Variants in ZNF254 observed in about 807,000 individuals in gnomAD.
ZNF254 encodes the protein CTD-2017D11.1.
ZNF254 carries 10 observed loss-of-function variants against 12.4 expected under a neutral mutation model. The observed-to-expected ratio is 0.80, with a 90% CI of 0.50 to 1.36. The LOEUF (loss-of-function observed/expected upper bound fraction) is 1.36, where lower values mean the gene tolerates loss of function less well. Ranked by LOEUF, ZNF254 falls within the 40% of genes most tolerant of loss-of-function variation. ZNF254 has a pLI of 0.00. For synonymous variants in ZNF254, 305 were observed against 253.4 expected (o/e 1.20, Z -1.93); for missense variants, 996 against 763.9 (o/e 1.30, Z -3.58).
chr19:24,075,897 C>T (rs991800185), intron 2 of ZNF254, among the ~76,000 whole-genome samples: 1 of 152,162 alleles, frequency 6.6e-6, no homozygotes, highest in African/African-American at 2.4e-5. Context: ...CAGGCCTGTT[C>T]CTTGCTGAGA....
intron 2 of ZNF254, among the ~76,000 whole-genome samples, chr19:24,047,918 G>A (rs919427873): frequency 6.7e-5 from 10 of 149,894 alleles, no homozygotes; most frequent in Non-Finnish European, 1.5e-4. Context: ...AACTCCTGAC[G>A]TCAGGTGATC....
chr19:24,038,965 G>A (rs1403588154), intron 1 of ZNF254, among the ~76,000 whole-genome samples: 1 of 152,136 alleles, frequency 6.6e-6, no homozygotes, highest in Non-Finnish European at 1.5e-5. Context: ...TTATTCTCTT[G>A]TCCAAATGCC....
At chr19:24,073,910 C>T (rs1421014203) in intron 2 of ZNF254, among the ~76,000 whole-genome samples, 1 of 152,216 alleles carries the variant, frequency 6.6e-6, no homozygotes, top group African/African-American at 2.4e-5. Flanking sequence ...GCAACATACA[C>T]CTCTGACCAG....
chr19:24,060,164 T>C (rs1272670891), intron 2 of ZNF254, among the ~76,000 whole-genome samples: 1 of 152,224 alleles, frequency 6.6e-6, no homozygotes, highest in Non-Finnish European at 1.5e-5. Flanking sequence ...ACCCAGGTGA[T>C]GTAACATTCC....
intron 2 of ZNF254, among the ~76,000 whole-genome samples, chr19:24,049,193 TATATA>T (rs1970530024): frequency 2.8e-5 from 2 of 70,524 alleles, no homozygotes; most frequent in African/African-American, 6.8e-5. Context: ...TTTATATATA[TATATA>T]TATATATATA....
intron 3 of ZNF254, among the ~76,000 whole-genome samples, chr19:24,118,063 T>C (rs562601827): frequency 2.0e-5 from 3 of 151,786 alleles, no homozygotes; most frequent in Admixed American, 1.3e-4. Flanking sequence ...TTTTCTTTTT[T>C]TTTTTTTGAA....
intron 2 of ZNF254, among the ~76,000 whole-genome samples, chr19:24,046,779 G>A (rs1970406624): frequency 2.0e-5 from 3 of 151,892 alleles, no homozygotes; most frequent in African/African-American, 7.3e-5. Flanking sequence ...CAGCTGGTGT[G>A]GCCTCCTGGA....
chr19:24,072,268 T>A (rs1356889078), intron 2 of ZNF254, among the ~76,000 whole-genome samples: 1 of 151,428 alleles, frequency 6.6e-6, no homozygotes, highest in African/African-American at 2.4e-5. Flanking sequence ...ACCTCCTGGG[T>A]TCAAGCAATT....
chr19:24,112,494 T>C (rs1350553588), intron 3 of ZNF254, among the ~76,000 whole-genome samples: 1 of 149,790 alleles, frequency 6.7e-6, no homozygotes, highest in East Asian at 2.0e-4. Context: ...AAGAAAATCA[T>C]TGGTAGCTTG....
Position 24,119,417 on chromosome 19 carries a change from C to T in ZNF254, c.254-6837C>T, listed in dbSNP as rs142860109. Among the ~76,000 whole-genome samples, 463 of 152,048 alleles carry T rather than the reference C, an allele frequency of 3.0e-3. 3 individuals carry two copies. The highest frequency in any genetic ancestry group is 0.011 in the African/African-American group (440 of 41,476). On this transcript the variant is annotated intron_variant, in intron 3 of 3. Coordinates refer to ENST00000357002, the MANE Select transcript of ZNF254 (RefSeq NM_203282.4). ...ATATTGGCTAGGCTGATCTCAAAAC[C>T]CTGACCTCAGGTGATCCACCTGCCT...
intron 1 of ZNF254, among the ~76,000 whole-genome samples, chr19:24,043,274 T>TG (rs1188196465): frequency 3.9e-5 from 6 of 152,224 alleles, no homozygotes; most frequent in African/African-American, 1.4e-4. Flanking sequence ...AAAATTTTTT[T>TG]TTTTTGAGAT....
Position 24,092,985 on chromosome 19 carries a change from T to C in ZNF254, c.30+5648T>C, listed in dbSNP as rs557527791. Among the ~76,000 whole-genome samples, 14 of 152,338 alleles carry C rather than the reference T, an allele frequency of 9.2e-5. No homozygotes were observed. The East Asian group carries it at 2.7e-3, about 29-fold the overall frequency. On this transcript the variant is annotated intron_variant, in intron 1 of 3. Coordinates refer to ENST00000357002, the MANE Select transcript of ZNF254 (RefSeq NM_203282.4). Reference sequence around the variant, plus strand: ...TGACATCATCTATTTTTTTGCTTTTTAATAGCCGTTCTCACTGGCATGAGA... The same window carrying C: ...TGACATCATCTATTTTTTTGCTTTTCAATAGCCGTTCTCACTGGCATGAGA...
At chr19:24,068,019 T>C (rs1971341212) in intron 2 of ZNF254, among the ~76,000 whole-genome samples, 1 of 152,186 alleles carries the variant, frequency 6.6e-6, no homozygotes, top group South Asian at 2.1e-4. Context: ...CCTTTCATAT[T>C]TTACATGTTG....
intron 3 of ZNF254, among the ~76,000 whole-genome samples, chr19:24,113,528 C>T (rs5965336): frequency 6.6e-5 from 10 of 152,206 alleles, no homozygotes; most frequent in Admixed American, 1.3e-4. Flanking sequence ...ATTGATGTGA[C>T]GTATCTCAAA....
chr19:24,080,526 A>G (rs886225438), intron 2 of ZNF254: 1 of 152,278 alleles, frequency 6.6e-6, no homozygotes, highest in South Asian at 2.1e-4. Context: ...ATTTTTTGCC[A>G]TGGCAGTTAA....
chr19:24,111,601 T>C (rs1334657104), intron 3 of ZNF254, among the ~76,000 whole-genome samples: 24 of 152,194 alleles, frequency 1.6e-4, no homozygotes, highest in South Asian at 1.0e-3. Context: ...TCTCCACATC[T>C]TCTCCAGCAC....
In ZNF254 at chr19:24,074,176, A is replaced by C. The variant is rs540534627; in HGVS notation, c.-94+27897A>C. Among the ~76,000 whole-genome samples, 144 of 152,328 alleles carry C rather than the reference A, an allele frequency of 9.5e-4. 1 individual carries two copies. The highest frequency in any genetic ancestry group is 3.4e-3 in the African/African-American group (140 of 41,590). On this transcript the variant is annotated intron_variant, in intron 2 of 4. Coordinates refer to the ZNF254 transcript ENST00000613065. ...AACTCTCTTTGCTGGGTTCTGCCTAAAGGAAGCATTACAACCTATCTCTGT... is the reference window on the plus strand; with the variant it reads ...AACTCTCTTTGCTGGGTTCTGCCTACAGGAAGCATTACAACCTATCTCTGT...
intron 2 of ZNF254, chr19:24,065,609 C>T (rs1971240934): frequency 6.6e-6 from 1 of 152,156 alleles, no homozygotes; most frequent in South Asian, 2.1e-4. Flanking sequence ...ATGTTCAGCA[C>T]CCGAGTGATT....
intron 1 of ZNF254, among the ~76,000 whole-genome samples, chr19:24,089,274 C>T (rs1336420738): frequency 6.6e-6 from 1 of 152,168 alleles, no homozygotes; most frequent in Admixed American, 6.5e-5. Flanking sequence ...CTGCACCCGG[C>T]CAATTAATCA....
Sources: gnomAD v4.1 joint callset for allele counts (sites outside exome capture counted in the v4.1 genomes callset) on GRCh38, gnomAD v4.1.1 for gene constraint, MANE v1.5 for transcripts, NCBI Gene and HGNC (gene_info 2026-07-23, HGNC 2026-07-21) for gene names.